Variants in SLC1A6 observed in about 807,000 individuals in gnomAD.
SLC1A6 encodes the protein solute carrier family 1 member 6, also known as excitatory amino acid transporter 4.
A neutral mutation model predicts 42.1 loss-of-function variants in SLC1A6; 15 were observed. That is an observed-to-expected ratio of 0.36 (90% confidence interval 0.24 to 0.55). The LOEUF (loss-of-function observed/expected upper bound fraction) is 0.55, where lower values mean the gene tolerates loss of function less well. Among genes scored for constraint, SLC1A6 ranks in the 20% least tolerant of loss-of-function variants. The pLI, the probability that SLC1A6 is intolerant of heterozygous loss-of-function variation, is 0.88. For missense variants in SLC1A6, 542 were observed against 772.5 expected (o/e 0.70, Z 3.54); for synonymous variants, 317 against 319.7 (o/e 0.99, Z 0.09).
At chr19:15,006,780 G>GA (rs1243887308) in intron 1 of SLC1A6, among the ~76,000 whole-genome samples, 3 of 144,204 alleles carry the variant, frequency 2.1e-5, no homozygotes, top group African/African-American at 8.0e-5. Context: ...AAAAGAAAAA[G>GA]AAAAGAAAAG....
chr19:14,986,025 T>C (rs1312314264), intron 1 of SLC1A6, among the ~76,000 whole-genome samples: 5 of 151,654 alleles, frequency 3.3e-5, no homozygotes, highest in Admixed American at 3.3e-4. Flanking sequence ...AGCTGAGGTT[T>C]GTCTGTCTAA....
In SLC1A6 at chr19:14,972,726, G is replaced by A; in HGVS notation, c.185C>T (p.Thr62Met). 6.2e-7 allele frequency: 1 copy of A among 1,613,956 alleles called. No homozygotes were observed. Among genetic ancestry groups the A allele is most frequent in the Non-Finnish European group, 8.5e-7 (1 of 1,179,984 alleles). The change falls in exon 2 of 10, where the codon ACG becomes ATG. Residue 62 changes from threonine to methionine, a missense_variant. Transcript: ENST00000594383. ...FLRRNAFILL[T>M]VSAVVIGVSL... ...CTCACCAATGACCACGGCGCTGACC[G>A]TCAGCAGAATGAAGGCGTTTCGGCG...
At chr19:15,006,105 C>A (rs761847547) in intron 1 of SLC1A6, among the ~76,000 whole-genome samples, 2 of 152,192 alleles carry the variant, frequency 1.3e-5, no homozygotes, top group Non-Finnish European at 2.9e-5. Context: ...TGGATTCATT[C>A]TATTAATAAA....
intron 9 of SLC1A6, 75 bp downstream of exon 9, chr19:14,952,853 A>G: frequency 6.7e-7 from 1 of 1,499,378 alleles, no homozygotes; most frequent in Non-Finnish European, 9.0e-7. Flanking sequence ...AAAAGTCCAC[A>G]GGTCGAGGAC....
chr19:14,968,437 G>T lies in SLC1A6; in HGVS notation c.414C>A (p.Thr138=), dbSNP rs1259105429. The T allele has an allele frequency of 6.2e-7, 1 of 1,613,518 alleles. No individual in the cohort carries two copies. The highest frequency in any genetic ancestry group is 1.7e-5 in the Admixed American group (1 of 59,954). The stretch of plus-strand genomic sequence containing the variant: ...TGCCGATGAAGACCGCGATGATGGT[G>T]GTCACCATGTAGTACACAGCTGCCC... ...GMRAAVYYMV[T]TIIAVFIGIL... The change falls in exon 4 of 10, where the codon ACC becomes ACA. Residue 138 remains threonine (T), a synonymous_variant. Transcript: ENST00000594383.
chr19:15,006,769 AAAAAGAAAAAG>A (rs2045897717), intron 1 of SLC1A6, among the ~76,000 whole-genome samples: 3 of 149,000 alleles, frequency 2.0e-5, no homozygotes, highest in Non-Finnish European at 2.9e-5. Flanking sequence ...ACAAAAAAAA[AAAAAGAAAAAG>A]AAAAGAAAAG....
rs1568304819 is a variant in SLC1A6, at chr19:15,010,182, T to TCAAAA, written c.6+302_6+303insTTTTG. 8.8e-3 allele frequency among the ~76,000 whole-genome samples: 303 copies of TCAAAA among 34,294 alleles called. 1 individual carries two copies. The highest frequency in any genetic ancestry group is 0.025 in the African/African-American group (299 of 11,996). 22.5% of individuals were successfully genotyped at this position (34,294 alleles called of 152,430 possible). On this transcript the variant is annotated intron_variant, in intron 1 of 8. Coordinates refer to the SLC1A6 transcript ENST00000430939. ...GCCCAGACGACAGTGCAAGACTCTA[T>TCAAAA]GAAAAAAAAAAAAAAGAAAGAAAGA...
chr19:14,951,078 C>CAAAAAAA (rs59828742), intron 9 of SLC1A6, among the ~76,000 whole-genome samples: 9 of 79,806 alleles, frequency 1.1e-4, no homozygotes, highest in African/African-American at 1.5e-4. Flanking sequence ...ACTAAAAATA[C>CAAAAAAA]AAAAAAAAAA....
chr19:15,008,624 A>T (rs1287445255), intron 1 of SLC1A6, among the ~76,000 whole-genome samples: 3 of 152,184 alleles, frequency 2.0e-5, no homozygotes, highest in African/African-American at 7.2e-5. Context: ...TTATGGCAGC[A>T]CTATTCACTA....
chr19:14,956,365 A>G, intron 7 of SLC1A6, 111 bp downstream of exon 7: 1 of 654,762 alleles, frequency 1.5e-6, no homozygotes, highest in Non-Finnish European at 2.6e-6. Flanking sequence ...ACATTGTTGG[A>G]CGACTCAGAA....
chr19:15,009,828 C>A (rs543896013), intron 1 of SLC1A6, among the ~76,000 whole-genome samples: 2 of 152,116 alleles, frequency 1.3e-5, no homozygotes, highest in South Asian at 2.1e-4. Context: ...AAAAAGTAAA[C>A]CAATAAATGA....
intron 1 of SLC1A6, chr19:15,010,448 T>C: frequency 2.1e-6 from 1 of 486,796 alleles, no homozygotes; most frequent in Admixed American, 2.3e-5. Flanking sequence ...GCGAGAGGAA[T>C]GCCTGGTGAG....
chr19:14,998,896 T>TTTATTTATTTA (rs773825343), intron 1 of SLC1A6, among the ~76,000 whole-genome samples: 885 of 94,714 alleles, frequency 9.3e-3, no homozygotes, highest in East Asian at 0.018. Context: ...TTATTTATTT[T>TTTATTTATTTA]TAATGGAGTC....
upstream of SLC1A6, among the ~76,000 whole-genome samples, chr19:14,982,026 C>G (rs938138849): frequency 6.6e-6 from 1 of 151,362 alleles, no homozygotes; most frequent in African/African-American, 2.4e-5. Context: ...CCACAGCACT[C>G]CAGCCTGGGC....
intron 3 of SLC1A6, among the ~76,000 whole-genome samples, chr19:14,970,717 A>G (rs1459765436): frequency 6.6e-6 from 1 of 152,006 alleles, no homozygotes; most frequent in Non-Finnish European, 1.5e-5. Context: ...TCTCAAAAAA[A>G]AAAAGAATAT....
intron 3 of SLC1A6, among the ~76,000 whole-genome samples, 171 bp downstream of exon 3, chr19:14,971,566 C>T (rs1283255465): frequency 6.6e-6 from 1 of 152,136 alleles, no homozygotes; most frequent in Non-Finnish European, 1.5e-5. Flanking sequence ...GAACCTGGGA[C>T]CGATTGGGAC....
chr19:15,002,964 ATGTTGT>A (rs140957015), intron 1 of SLC1A6, among the ~76,000 whole-genome samples: 2 of 150,814 alleles, frequency 1.3e-5, no homozygotes. Context: ...TTTTTGTGGG[ATGTTGT>A]TGTTGTTGTT....
At chr19:14,982,058 T>TAA (rs144179383), upstream of SLC1A6, among the ~76,000 whole-genome samples, 2 of 139,436 alleles carry the variant, frequency 1.4e-5, no homozygotes, top group African/African-American at 2.6e-5. Context: ...ACCCTGTCTC[T>TAA]AAAAAAAAAA....
chr19:15,009,276 ATAAATATCATATATATGCTC>A (rs2045913090), intron 1 of SLC1A6, among the ~76,000 whole-genome samples: 1 of 77,856 alleles, frequency 1.3e-5, no homozygotes, highest in African/African-American at 6.2e-5. Flanking sequence ...CTATATATCT[ATAAATATCATATATATGCTC>A]TCTAGATAAC....
Sources: allele counts gnomAD v4.1 joint callset (sites outside exome capture counted in the v4.1 genomes callset), GRCh38; gene constraint gnomAD v4.1.1; transcripts MANE v1.5; gene names NCBI Gene and HGNC (gene_info 2026-07-23, HGNC 2026-07-21).